AP1G1: variants seen among roughly 807,000 people sequenced by gnomAD.
AP1G1 encodes the protein AP-1 complex subunit gamma-1.
Under a neutral mutation model 108.3 loss-of-function variants are expected in AP1G1, and 7 were observed. The observed-to-expected ratio is 0.06, with a 90% CI of 0.04 to 0.12. The LOEUF (loss-of-function observed/expected upper bound fraction) is 0.12. Among genes scored for constraint, AP1G1 ranks in the 10% least tolerant of loss-of-function variants. AP1G1 has a pLI of 1.00. For missense variants in AP1G1, 756 were observed against 1,010.7 expected (o/e 0.75, Z 3.42); for synonymous variants, 379 against 353.5 (o/e 1.07, Z -0.81).
intron 2 of AP1G1, among the ~76,000 whole-genome samples, chr16:71,784,390 C>A (rs759024610): frequency 2.4e-4 from 36 of 152,174 alleles, no homozygotes; most frequent in Middle Eastern, 3.2e-3. Flanking sequence ...AGGTGACTGT[C>A]TCTTTTCTTG....
At position 71,731,613 on chromosome 16, in the gene AP1G1, G is replaced by C. The variant is rs1314322131; in HGVS notation, c.*1445C>G. The stretch of plus-strand genomic sequence containing the variant: ...GTACATTCAATGTGTACCACAGAGA[G>C]AGTCACCTCTACTTCATTCCAGCAA... On this transcript the variant is annotated 3_prime_UTR_variant, in exon 23 of 23. Coordinates refer to ENST00000299980, the MANE Select transcript of AP1G1 (RefSeq NM_001128.6). The C allele has an allele frequency of 2.6e-5, 4 of 152,536 alleles. No homozygotes were observed. Among genetic ancestry groups the C allele is most frequent in the African/African-American group, 7.2e-5 (3 of 41,444 alleles). The allele number at this position is 152,536 out of a possible 1,614,324, so 9.4% of individuals were successfully genotyped here. A position where few individuals can be genotyped will look rare whatever the true frequency, so the allele number is the denominator to read the frequency against.
intron 1 of AP1G1, among the ~76,000 whole-genome samples, chr16:71,792,743 C>A (rs1401855179): frequency 6.6e-6 from 1 of 151,470 alleles, no homozygotes; most frequent in Admixed American, 6.6e-5. Context: ...GATCCCAGCT[C>A]CTACAGAGGC....
At chr16:71,735,660 A>C (rs78166005) in intron 21 of AP1G1, among the ~76,000 whole-genome samples, 5 of 151,652 alleles carry the variant, frequency 3.3e-5, no homozygotes, top group Non-Finnish European at 5.9e-5. Flanking sequence ...CGTCTCAAAA[A>C]AAAAAAAAAA....
chr16:71,751,284 C>A (rs2030488508), intron 13 of AP1G1: 1 of 151,464 alleles, frequency 6.6e-6, no homozygotes, highest in Non-Finnish European at 1.5e-5. Context: ...AGGAGTTTGA[C>A]ACAAGCCTGG....
chr16:71,734,792 T>C (rs150488545), intron 21 of AP1G1, 85 bp from the exon 22 acceptor site: 2 of 1,074,762 alleles, frequency 1.9e-6, no homozygotes, highest in Non-Finnish European at 2.9e-6. Flanking sequence ...GACACCCAGA[T>C]GATGGGTCAA....
chr16:71,786,652 G>A (rs1024254927), intron 2 of AP1G1, among the ~76,000 whole-genome samples: 1 of 152,044 alleles, frequency 6.6e-6, no homozygotes, highest in South Asian at 2.1e-4. Context: ...GTAGAGAGGG[G>A]GTTCCACCAT....
intron 21 of AP1G1, among the ~76,000 whole-genome samples, chr16:71,735,901 C>T (rs984916391): frequency 7.3e-5 from 11 of 150,804 alleles, no homozygotes; most frequent in African/African-American, 2.7e-4. Flanking sequence ...GAGGCCAAGG[C>T]GGGCAGATCA....
chr16:71,733,246 G>T (rs2045491343), intron 22 of AP1G1, 87 bp from the exon 23 acceptor site: 5 of 1,100,988 alleles, frequency 4.5e-6, no homozygotes, highest in Non-Finnish European at 6.6e-6. Context: ...TTTAATCTTA[G>T]AGGTCAAAAC....
At chr16:71,789,527 T>C (rs774244426) in intron 1 of AP1G1, 45 bp from the exon 2 acceptor site, 152 of 1,556,110 alleles carry the variant, frequency 9.8e-5, no homozygotes, top group Non-Finnish European at 1.3e-4. Flanking sequence ...CATTTTTTAC[T>C]ACCAAAGCTA....
At chr16:71,752,154 C>T (rs1034879854) in intron 13 of AP1G1, among the ~76,000 whole-genome samples, 1 of 151,946 alleles carries the variant, frequency 6.6e-6, no homozygotes, top group Non-Finnish European at 1.5e-5. Context: ...TAAGAGAACA[C>T]AAGTCAGTTA....
chr16:71,806,056 T>C (rs1318229764), intron 1 of AP1G1, among the ~76,000 whole-genome samples: 2 of 151,714 alleles, frequency 1.3e-5, no homozygotes, highest in Admixed American at 1.3e-4. Context: ...AGAGTTTTTA[T>C]AAATCATAAA....
Position 71,761,431 on chromosome 16 carries a change from A to G in AP1G1, c.974+81T>C, listed in dbSNP as rs1009704299. Reference sequence around the variant, plus strand: ...AAGTTCTAAATATGTGACTTAATACATGTATGATCTTGAGCAGAATCGCTC... The same window carrying G: ...AAGTTCTAAATATGTGACTTAATACGTGTATGATCTTGAGCAGAATCGCTC... On this transcript the variant is annotated intron_variant, in intron 10 of 22. Transcript: ENST00000299980. The G allele has an allele frequency of 3.1e-6, 3 of 979,190 alleles. No individual in the cohort carries two copies. In the East Asian group the frequency reaches 7.2e-5, roughly 24 times the overall value. 60.7% of individuals were successfully genotyped at this position (979,190 alleles called of 1,614,324 possible). A position where few individuals can be genotyped will look rare whatever the true frequency, so the allele number is the denominator to read the frequency against.
At position 71,759,031 on chromosome 16, in the gene AP1G1, A is replaced by G. The variant is rs768825368; in HGVS notation, c.975-110T>C. On this transcript the variant is annotated intron_variant, in intron 10 of 22. Coordinates refer to ENST00000299980, the MANE Select transcript of AP1G1 (RefSeq NM_001128.6). ...GTCTAATGGATAAGAGAAAGCATAC[A>G]TTTTTATTTAAAAGAAAGTTAGTGA... 4.7e-6 allele frequency: 3 copies of G among 641,406 alleles called. No homozygotes were observed. In the African/African-American group the frequency reaches 5.8e-5, roughly 12 times the overall value. The allele number at this position is 641,406 out of a possible 1,614,324, so 39.7% of individuals were successfully genotyped here.
chr16:71,747,299 T>C (rs2030231845), intron 16 of AP1G1: 1 of 152,188 alleles, frequency 6.6e-6, no homozygotes, highest in Admixed American at 6.5e-5. Context: ...CACCAAAACA[T>C]TCATGATTTT....
chr16:71,763,851 TAGA>T (rs1274450256), intron 9 of AP1G1, among the ~76,000 whole-genome samples: 1 of 152,292 alleles, frequency 6.6e-6, no homozygotes, highest in Non-Finnish European at 1.5e-5. Flanking sequence ...CTCCTCTTTA[TAGA>T]AGAATTCCAA....
In AP1G1 at chr16:71,732,305, C is replaced by A. The variant is rs1056385159; in HGVS notation, c.*753G>T. The A allele has an allele frequency of 2.6e-5, 4 of 152,570 alleles. No homozygotes were observed. Among genetic ancestry groups the A allele is most frequent in the Non-Finnish European group, 5.9e-5 (4 of 68,042 alleles). 9.5% of individuals were successfully genotyped at this position (152,570 alleles called of 1,614,324 possible). ...TGGCGAGAAAGGGGAGCTGGAAGAG[C>A]CTTGGAAGTTTCTATTACAAATAGA... On this transcript the variant is annotated 3_prime_UTR_variant, in exon 23 of 23. Coordinates refer to ENST00000299980, the MANE Select transcript of AP1G1 (RefSeq NM_001128.6).
At chr16:71,758,526 T>C (rs746183857) in intron 11 of AP1G1, 61 of 574,742 alleles carry the variant, frequency 1.1e-4, no homozygotes, top group Non-Finnish European at 1.8e-4. Context: ...TTGCCTAGCT[T>C]ATCTGTGCCT....
intron 1 of AP1G1, among the ~76,000 whole-genome samples, chr16:71,800,513 C>T (rs1028317147): frequency 6.6e-6 from 1 of 151,148 alleles, no homozygotes; most frequent in Non-Finnish European, 1.5e-5. Flanking sequence ...GAAACCCCCC[C>T]GTCTCGGGTC....
chr16:71,747,911 A>G (rs2030269313), intron 16 of AP1G1, among the ~76,000 whole-genome samples: 1 of 152,212 alleles, frequency 6.6e-6, no homozygotes, highest in South Asian at 2.1e-4. Flanking sequence ...TAAGCCCAGG[A>G]GTTCAAGGTT....
Sources: gnomAD v4.1 joint callset for allele counts (sites outside exome capture counted in the v4.1 genomes callset) on GRCh38, gnomAD v4.1.1 for gene constraint, MANE v1.5 for transcripts, NCBI Gene and HGNC (gene_info 2026-07-23, HGNC 2026-07-21) for gene names.